Variants in IGF2R observed in about 807,000 individuals in gnomAD.
IGF2R encodes insulin like growth factor 2 receptor.
IGF2R carries 91 observed loss-of-function variants against 270.6 expected under a neutral mutation model. The observed-to-expected ratio is 0.34, with a 90% CI of 0.28 to 0.40. The LOEUF is 0.40. IGF2R is among the 10% of genes least tolerant of loss of function. The pLI, the probability that IGF2R is intolerant of heterozygous loss-of-function variation, is 1.00. For missense variants in IGF2R, 2,805 were observed against 3,188.3 expected (o/e 0.88, Z 2.90); for synonymous variants, 1,316 against 1,258.9 (o/e 1.05, Z -0.96).
intron 4 of IGF2R, among the ~76,000 whole-genome samples, chr6:160,022,410 G>A (rs973740145): frequency 6.6e-6 from 1 of 152,070 alleles, no homozygotes; most frequent in African/African-American, 2.4e-5. Flanking sequence ...CAAACAAAGA[G>A]GCACCCCCTT....
chr6:160,096,707 G>A, intron 45 of IGF2R, 82 bp downstream of exon 45: 1 of 1,172,436 alleles, frequency 8.5e-7, no homozygotes, highest in Non-Finnish European at 1.2e-6. Flanking sequence ...TTTCCCCAAT[G>A]TTTTCTTGTG....
chr6:160,076,805 A>G (rs567909791), intron 36 of IGF2R, among the ~76,000 whole-genome samples: 2 of 151,680 alleles, frequency 1.3e-5, no homozygotes, highest in African/African-American at 4.8e-5. Context: ...TGATACATCT[A>G]GCTGCAGAAA....
chr6:160,026,350 T>C (rs1017842977), intron 5 of IGF2R, among the ~76,000 whole-genome samples: 1 of 152,226 alleles, frequency 6.6e-6, no homozygotes, highest in African/African-American at 2.4e-5. Flanking sequence ...ACCCTCTCCA[T>C]CTTTGATTAA....
intron 1 of IGF2R, among the ~76,000 whole-genome samples, chr6:159,985,416 C>T (rs1019534689): frequency 7.9e-5 from 12 of 152,188 alleles, no homozygotes; most frequent in African/African-American, 2.9e-4. Flanking sequence ...TATTTGGCTT[C>T]AAAGCTGAGG....
At chr6:160,064,006 G>A (rs913238833) in intron 27 of IGF2R, among the ~76,000 whole-genome samples, 2 of 152,234 alleles carry the variant, frequency 1.3e-5, no homozygotes, top group African/African-American at 4.8e-5. Context: ...AGAAATTACA[G>A]GGCACGCTGT....
intron 34 of IGF2R, 100 bp downstream of exon 34, chr6:160,073,569 G>A (rs1014904888): frequency 7.2e-7 from 1 of 1,392,402 alleles, no homozygotes; most frequent in Non-Finnish European, 9.9e-7. Flanking sequence ...ATGCCCAGCT[G>A]AACTGTCCAC....
chr6:159,980,053 C>T (rs567792297), intron 1 of IGF2R, among the ~76,000 whole-genome samples: 12 of 152,052 alleles, frequency 7.9e-5, no homozygotes, highest in South Asian at 2.1e-4. Context: ...CGGTGGCGGG[C>T]GCCTGTAGTC....
chr6:159,980,216 A>AAGGAAGG (rs1562330567), intron 1 of IGF2R, among the ~76,000 whole-genome samples: 2 of 126,220 alleles, frequency 1.6e-5, no homozygotes, highest in East Asian at 4.3e-4. Flanking sequence ...AGAAAGAAAG[A>AAGGAAGG]AAGAAAGAAA....
intron 39 of IGF2R, among the ~76,000 whole-genome samples, chr6:160,082,873 G>A (rs1779016661): frequency 6.6e-6 from 1 of 152,342 alleles, no homozygotes; most frequent in East Asian, 1.9e-4. Context: ...GTGCCCTGGT[G>A]CAGGCCTTGG....
chr6:160,104,255 G>C (rs2297372), intron 47 of IGF2R, among the ~76,000 whole-genome samples: 55,553 of 151,904 alleles, frequency 0.37, 11,087 homozygotes, highest in East Asian at 0.54. Flanking sequence ...GCTTTTGACT[G>C]GAGTCCCTCC....
chr6:160,051,698 C>G (rs1427862748), intron 19 of IGF2R, among the ~76,000 whole-genome samples: 2 of 152,234 alleles, frequency 1.3e-5, no homozygotes, highest in Non-Finnish European at 2.9e-5. Flanking sequence ...TGGTTCAGAT[C>G]TAACCCAGCA....
intron 28 of IGF2R, 116 bp downstream of exon 28, chr6:160,064,647 A>G: frequency 4.8e-6 from 6 of 1,254,108 alleles, no homozygotes; most frequent in Non-Finnish European, 6.8e-6. Context: ...AACTGAGTTT[A>G]AAATAACCAT....
At chr6:160,054,152 G>A (rs569651288) in intron 19 of IGF2R, among the ~76,000 whole-genome samples, 2 of 152,294 alleles carry the variant, frequency 1.3e-5, no homozygotes, top group South Asian at 2.1e-4. Context: ...AGAAACAAGC[G>A]CTGGGAGGGA....
chr6:160,045,026 T>C (rs1327761236), intron 13 of IGF2R, among the ~76,000 whole-genome samples: 2 of 152,216 alleles, frequency 1.3e-5, no homozygotes, highest in Non-Finnish European at 2.9e-5. Context: ...TTAAACACAA[T>C]GTTAATTTTC....
chr6:160,090,889 C>T (rs1779207363), intron 44 of IGF2R, among the ~76,000 whole-genome samples: 3 of 149,454 alleles, frequency 2.0e-5, no homozygotes, highest in Admixed American at 2.0e-4. Context: ...GCTCCGTGCC[C>T]TGGTGCTGAG....
intron 31 of IGF2R, 97 bp downstream of exon 31, chr6:160,070,155 C>T (rs533873372): frequency 1.5e-5 from 18 of 1,195,422 alleles, no homozygotes; most frequent in East Asian, 5.0e-5. Context: ...CCTTGGGATG[C>T]GAGTTCTAGA....
At chr6:159,996,857 C>T (rs1583248820) in intron 2 of IGF2R, among the ~76,000 whole-genome samples, 1 of 152,072 alleles carries the variant, frequency 6.6e-6, no homozygotes, top group Non-Finnish European at 1.5e-5. Context: ...GAGGCCCCAC[C>T]TTTCGTGCAA....
rs895438409 is a variant in IGF2R at position 160,102,040 on chromosome 6, C to T, written c.6843-479C>T. The stretch of plus-strand genomic sequence containing the variant: ...TGGCCGCCCCTGGGCCCCGTCCTGG[C>T]CTGTTTCTAAGGCCCCCTGGGCCCC... On this transcript the variant is annotated intron_variant, in intron 45 of 47. Transcript: ENST00000356956. This position sits in a 1 kb window ranked among gnomAD's most constrained non-coding sequence, Gnocchi z 4.5. Among the ~76,000 whole-genome samples, 5 of 152,180 alleles carry T rather than the reference C, an allele frequency of 3.3e-5. No individual in the cohort carries two copies. Among genetic ancestry groups the T allele is most frequent in the African/African-American group, 9.6e-5 (4 of 41,454 alleles).
chr6:160,073,658 TTTTG>T lies in IGF2R; in HGVS notation c.4948-96_4948-93del, dbSNP rs1252116475. 3 of 1,188,004 alleles carry T rather than the reference TTTTG, an allele frequency of 2.5e-6. No homozygotes were observed. In the Admixed American group the frequency reaches 6.9e-5, roughly 27 times the overall value. 73.6% of individuals were successfully genotyped at this position (1,188,004 alleles called of 1,614,324 possible). A position where few individuals can be genotyped will look rare whatever the true frequency, so the allele number is the denominator to read the frequency against. ...AAGCATTTTGACACCTTTCTACTTT[TTTTG>T]TTGTTGTTATTCAGCTTTTAAATTC... is the stretch of plus-strand genomic sequence containing the variant. On this transcript the variant is annotated intron_variant, in intron 34 of 47. Transcript: ENST00000356956.
Sources: allele counts gnomAD v4.1 joint callset (sites outside exome capture counted in the v4.1 genomes callset), GRCh38; gene constraint gnomAD v4.1.1; non-coding constraint Gnocchi (gnomAD v3.1); transcripts MANE v1.5; gene names NCBI Gene and HGNC (gene_info 2026-07-23, HGNC 2026-07-21).